The following NEK6 variants were observed in gnomAD, a reference collection of about 807,000 sequenced individuals.
The protein encoded by NEK6 is NIMA related kinase 6.
Under a neutral mutation model 43.5 loss-of-function variants are expected in NEK6, and 27 were observed. That is an observed-to-expected ratio of 0.62 (90% CI 0.46 to 0.86). NEK6 has a LOEUF of 0.86. NEK6 is among the 40% of genes least tolerant of loss of function. The pLI, the probability that NEK6 is intolerant of heterozygous loss-of-function variation, is 0.00. For missense variants in NEK6, 318 were observed against 414.4 expected, an observed-to-expected ratio of 0.77 and a Z score of 2.02; for synonymous variants, 167 against 164.1, an observed-to-expected ratio of 1.02 and a Z score of -0.14.
At position 124,275,172 on chromosome 9, in the gene NEK6, GC is replaced by G. The variant is rs1390346391; in HGVS notation, c.-30+17092del. Reference sequence around the variant, plus strand: ...AGGAAGGATTGATGAAGGCTCTGCAGCCCCCAAAGAGCCAACAGTTGGAATC... The same window carrying G: ...AGGAAGGATTGATGAAGGCTCTGCAGCCCCAAAGAGCCAACAGTTGGAATC... On this transcript the variant is annotated intron_variant, in intron 1 of 9. Coordinates refer to ENST00000320246, the MANE Select transcript of NEK6 (RefSeq NM_014397.6). This position sits in a 1 kb window ranked among gnomAD's most constrained non-coding sequence, Gnocchi z 4.4. Among the ~76,000 whole-genome samples, 1 of 152,210 alleles carries G rather than the reference GC, an allele frequency of 6.6e-6. No individual in the cohort carries two copies. Among genetic ancestry groups the G allele is most frequent in the Non-Finnish European group, 1.5e-5 (1 of 68,036 alleles).
intron 1 of NEK6, among the ~76,000 whole-genome samples, chr9:124,290,895 G>A (rs1250302225): frequency 1.3e-5 from 2 of 152,220 alleles, no homozygotes; most frequent in Non-Finnish European, 2.9e-5. Context: ...TAGCTTGTGG[G>A]TAGCAGTTCC....
At chr9:124,260,180 C>T (rs1195873805) in intron 1 of NEK6, among the ~76,000 whole-genome samples, 1 of 152,144 alleles carries the variant, frequency 6.6e-6, no homozygotes, top group Non-Finnish European at 1.5e-5. Flanking sequence ...ACAGCCTTTC[C>T]TCTTTCCATT....
intron 1 of NEK6, chr9:124,292,928 C>T (rs771346970): frequency 6.5e-7 from 1 of 1,545,046 alleles, no homozygotes; most frequent in Non-Finnish European, 8.7e-7. Context: ...TCCAGGAAGG[C>T]TGCCTGGAGG....
At chr9:124,259,548 A>C (rs1830943834) in intron 1 of NEK6, 1 of 152,150 alleles carries the variant, frequency 6.6e-6, no homozygotes, top group Non-Finnish European at 1.5e-5. Context: ...CCTGAAAATG[A>C]AAAAAAGAAA....
At chr9:124,303,091 G>T (rs1381485588) in intron 2 of NEK6, among the ~76,000 whole-genome samples, 1 of 152,252 alleles carries the variant, frequency 6.6e-6, no homozygotes, top group Non-Finnish European at 1.5e-5. Context: ...CTGATCCGGG[G>T]CCAGAGAGGC....
chr9:124,331,987 C>T (rs1161948103), intron 7 of NEK6, among the ~76,000 whole-genome samples: 1 of 152,244 alleles, frequency 6.6e-6, no homozygotes, highest in African/African-American at 2.4e-5. Flanking sequence ...AGCCGAGGTT[C>T]TGAGCACTAA....
At chr9:124,329,232 C>G (rs1382570004) in intron 7 of NEK6, among the ~76,000 whole-genome samples, 1 of 152,156 alleles carries the variant, frequency 6.6e-6, no homozygotes, top group Non-Finnish European at 1.5e-5. Flanking sequence ...GGACTGTTTA[C>G]CTGTGTGGTT....
chr9:124,346,987 G>T (rs1320524363), intron 8 of NEK6, among the ~76,000 whole-genome samples: 1 of 152,240 alleles, frequency 6.6e-6, no homozygotes, highest in African/African-American at 2.4e-5. Flanking sequence ...TGAGGAAACT[G>T]AAGTCCAGAG....
chr9:124,305,553 C>CAAAAAAA (rs11445181), intron 2 of NEK6, among the ~76,000 whole-genome samples: 1 of 123,732 alleles, frequency 8.1e-6, no homozygotes, highest in Non-Finnish European at 1.7e-5. Context: ...GACCCCATCT[C>CAAAAAAA]AAAAAAAAAA....
chr9:124,306,759 GTC>G (rs1833273700), intron 2 of NEK6, among the ~76,000 whole-genome samples: 1 of 152,224 alleles, frequency 6.6e-6, no homozygotes, highest in East Asian at 1.9e-4. Context: ...CTCAGAAGAA[GTC>G]TGACAATGTG....
At chr9:124,258,400 C>A in intron 1 of NEK6, 1 of 950,620 alleles carries the variant, frequency 1.1e-6, no homozygotes, top group Non-Finnish European at 1.3e-6. Context: ...CTCCCCGCTA[C>A]CCACTTCCCG....
intron 1 of NEK6, among the ~76,000 whole-genome samples, chr9:124,285,721 C>T (rs1434142947): frequency 2.6e-5 from 4 of 152,104 alleles, no homozygotes; most frequent in South Asian, 2.1e-4. Context: ...CAGCCAGGGC[C>T]GGCCGCAGGC....
At chr9:124,265,630 A>G (rs1465333148) in intron 1 of NEK6, 1 of 152,236 alleles carries the variant, frequency 6.6e-6, no homozygotes, top group Non-Finnish European at 1.5e-5. Context: ...CAGGTCCCAC[A>G]TGCAGCCTGC....
chr9:124,308,942 G>C (rs553274413), intron 2 of NEK6, among the ~76,000 whole-genome samples: 37 of 152,244 alleles, frequency 2.4e-4, no homozygotes, highest in Non-Finnish European at 4.4e-4. Flanking sequence ...ACCCAGGAGC[G>C]GGGGAGGTCT....
At chr9:124,299,170 C>A (rs1324317112) in intron 1 of NEK6, among the ~76,000 whole-genome samples, 2 of 152,312 alleles carry the variant, frequency 1.3e-5, no homozygotes, top group Admixed American at 1.3e-4. Context: ...GGCAGGTGGG[C>A]GGGTAAGCCG....
intron 1 of NEK6, among the ~76,000 whole-genome samples, chr9:124,269,128 T>A (rs1831330382): frequency 6.6e-6 from 1 of 152,106 alleles, no homozygotes; most frequent in Admixed American, 6.5e-5. Context: ...TGTCATTGAA[T>A]CATCACAGCA....
chr9:124,294,423 C>T (rs780724368), intron 1 of NEK6, among the ~76,000 whole-genome samples: 1 of 151,038 alleles, frequency 6.6e-6, no homozygotes, highest in Non-Finnish European at 1.5e-5. Flanking sequence ...ACCCAGGAGG[C>T]GGAGGTTGCA....
intron 9 of NEK6, among the ~76,000 whole-genome samples, chr9:124,348,129 C>T (rs1291052117): frequency 6.6e-6 from 1 of 152,212 alleles, no homozygotes; most frequent in Non-Finnish European, 1.5e-5. Context: ...TGCAGGTCCC[C>T]AGGACAGGGT....
Position 124,350,106 on chromosome 9 carries a change from CCTGCTGCTG to C in NEK6, c.832-722_832-714del, listed in dbSNP as rs543192921. 3.4e-3 allele frequency among the ~76,000 whole-genome samples: 513 copies of C among 152,322 alleles called. 3 individuals are homozygous for C. The highest frequency in any genetic ancestry group is 0.011 in the African/African-American group (459 of 41,592). On this transcript the variant is annotated intron_variant, in intron 9 of 9. Coordinates refer to ENST00000320246, the MANE Select transcript of NEK6 (RefSeq NM_014397.6). ...CCTCTGGTTCAGGACCACCCAGCTT[CCTGCTGCTG>C]CTGCTGCTTCGGCTGCTGTGGCCTG...
Sources: gnomAD v4.1 joint callset for allele counts (sites outside exome capture counted in the v4.1 genomes callset) on GRCh38, gnomAD v4.1.1 for gene constraint, Gnocchi (gnomAD v3.1) non-coding constraint, MANE v1.5 for transcripts, NCBI Gene and HGNC (gene_info 2026-07-23, HGNC 2026-07-21) for gene names.